WNT11: variants seen among roughly 807,000 people sequenced by gnomAD.
WNT11 encodes the protein Wnt family member 11, also known as protein Wnt-11.
In WNT11, 20 loss-of-function variants were observed where a neutral mutation model predicts 35.6. That is an observed-to-expected ratio of 0.56 (90% CI 0.40 to 0.82). WNT11 has a LOEUF of 0.82. WNT11 is among the 40% of genes least tolerant of loss of function. The pLI, the probability that WNT11 is intolerant of heterozygous loss-of-function variation, is 0.00. For missense variants in WNT11, 459 were observed against 504.4 expected (o/e 0.91, Z 0.86); for synonymous variants, 200 against 211.9 (o/e 0.94, Z 0.49).
chr11:76,196,698 G>A lies in WNT11; in HGVS notation c.104C>T (p.Ser35Leu). 5.0e-6 allele frequency: 8 copies of A among 1,610,806 alleles called. No individual in the cohort carries two copies. The highest frequency in any genetic ancestry group is 1.3e-5 in the African/African-American group (1 of 74,986). Residue 35 changes from serine to leucine, a missense_variant, in exon 2 of 5, where the codon TCG becomes TTG. Ser to Leu is a moderately radical substitution (Grantham distance 145). Transcript: ENST00000322563. ...IKWLALSKTP[S>L]ALALNQTQHC... ...TTGCGTCTGGTTCAGTGCCAGGGCC[G>A]ATGGTGTCTTGGACAGCGCCCTGCA...
Position 76,194,309 on chromosome 11 carries a change from G to GGTCCTGA in WNT11, c.597+257_597+258insTCAGGAC. ...GCCAGAGCCAAGGCCAGAACTCAGA[G>GGTCCTGA]CTCCTGACTCCTAGTTCAGTGCTCC... On this transcript the variant is annotated intron_variant, in intron 3 of 4. Coordinates refer to ENST00000322563, the MANE Select transcript of WNT11 (RefSeq NM_004626.3). The surrounding 1 kb of genome is among the most constrained non-coding windows in gnomAD (Gnocchi z 5.4). 1.3e-5 allele frequency among the ~76,000 whole-genome samples: 2 copies of GGTCCTGA among 152,114 alleles called. No individual in the cohort carries two copies. Among genetic ancestry groups the GGTCCTGA allele is most frequent in the Middle Eastern group, 3.4e-3 (1 of 294 alleles).
chr11:76,210,341 G>T, upstream of WNT11: 1 of 791,856 alleles, frequency 1.3e-6, no homozygotes, highest in Non-Finnish European at 1.5e-6. Context: ...CGCTTGGTTT[G>T]CTTACCCGGG....
At chr11:76,203,630 G>A (rs1953422687) in intron 1 of WNT11, among the ~76,000 whole-genome samples, 1 of 152,212 alleles carries the variant, frequency 6.6e-6, no homozygotes, top group Non-Finnish European at 1.5e-5. Context: ...TTTCTGGGCA[G>A]GTGCCTCTAT....
intron 1 of WNT11, among the ~76,000 whole-genome samples, chr11:76,200,561 G>A (rs949441383): frequency 6.6e-6 from 1 of 152,210 alleles, no homozygotes; most frequent in African/African-American, 2.4e-5. Flanking sequence ...ACACCTCAGA[G>A]GGCAGCCCGG....
chr11:76,207,450 C>T (rs1953491849), upstream of WNT11, among the ~76,000 whole-genome samples: 1 of 152,236 alleles, frequency 6.6e-6, no homozygotes, highest in African/African-American at 2.4e-5. Context: ...ATCGCTGCCT[C>T]ATCTCACAGA....
chr11:76,196,884 C>A (rs972950149), intron 1 of WNT11, among the ~76,000 whole-genome samples, 166 bp from the exon 2 acceptor site: 2 of 152,254 alleles, frequency 1.3e-5, no homozygotes, highest in African/African-American at 4.8e-5. Flanking sequence ...GCTGGCAGAG[C>A]AGTGGATCCC....
chr11:76,201,372 A>G (rs1849400043), intron 1 of WNT11, among the ~76,000 whole-genome samples: 1 of 152,228 alleles, frequency 6.6e-6, no homozygotes, highest in South Asian at 2.1e-4. Flanking sequence ...GAGGAGGGCC[A>G]TGCGGTCATC....
At chr11:76,206,648 C>T (rs540464235), upstream of WNT11, 1 of 867,702 alleles carries the variant, frequency 1.2e-6, no homozygotes, top group Non-Finnish European at 1.5e-6. Context: ...GGACGCGTCC[C>T]GCGCCTGGCT....
upstream of WNT11, among the ~76,000 whole-genome samples, chr11:76,208,544 A>C (rs924027740): frequency 6.6e-6 from 1 of 151,948 alleles, no homozygotes; most frequent in East Asian, 1.9e-4. Flanking sequence ...TCAAAACTCC[A>C]GTCACCGTCT....
Position 76,187,078 on chromosome 11 carries a change from T to G in WNT11, c.1052A>C (p.Tyr351Ser), listed in dbSNP as rs762934293. The G allele has an allele frequency of 9.9e-6, 16 of 1,610,854 alleles. 1 individual carries two copies. The Middle Eastern group carries it at 6.6e-4, about 66-fold the overall frequency. ...CRRCERTVER[Y>S]VCK ...GAGGGCAGGGCCTCACTTGCAGACATAGCGCTCCACGGTACGCTCACACCT... is the reference window on the plus strand; with the variant it reads ...GAGGGCAGGGCCTCACTTGCAGACAGAGCGCTCCACGGTACGCTCACACCT... The change falls in exon 5 of 5, where the codon TAT (tyrosine) becomes TCT (serine). Residue 351 changes from tyrosine (Y) to serine (S), a missense_variant. Transcript: ENST00000322563.
rs1953246109 is a variant in WNT11 at position 76,194,683 on chromosome 11, G to GGTT, written c.478_480dup (p.Asn160dup). The GGTT allele has an allele frequency of 4.5e-6, 7 of 1,550,688 alleles. No individual in the cohort carries two copies. The highest frequency in any genetic ancestry group is 6.1e-6 in the Non-Finnish European group (7 of 1,146,952). On this transcript the variant is annotated inframe_insertion, in exon 3 of 5. Coordinates refer to ENST00000322563, the MANE Select transcript of WNT11 (RefSeq NM_004626.3). This position sits in a 1 kb window ranked among gnomAD's most constrained non-coding sequence, Gnocchi z 5.4. ...GCCCCCATGAGGAGCCCGTAGCTGA[G>GGTT]GTTGTCCGCACATCCTCCCCAGCGG...
intron 4 of WNT11, among the ~76,000 whole-genome samples, chr11:76,187,648 G>T (rs914043157): frequency 6.6e-6 from 1 of 151,712 alleles, no homozygotes; most frequent in Admixed American, 6.6e-5. Flanking sequence ...ACCATGTCCG[G>T]CTAATTTTTT....
upstream of WNT11, chr11:76,210,377 G>T: frequency 1.0e-6 from 1 of 961,042 alleles, no homozygotes; most frequent in South Asian, 4.8e-5. Flanking sequence ...GGGTCGTGGC[G>T]GGTGCGAGAA....
Position 76,186,651 on chromosome 11 carries a change from C to T in WNT11, c.*414G>A. The stretch of plus-strand genomic sequence containing the variant: ...CAAGCTAGTGATTCCATGTGGTGGG[C>T]CCAGCAGGCTCAGACCCCAGGGTGG... On this transcript the variant is annotated 3_prime_UTR_variant, in exon 5 of 5. Coordinates refer to ENST00000322563, the MANE Select transcript of WNT11 (RefSeq NM_004626.3). 1 of 316,636 alleles carries T rather than the reference C, an allele frequency of 3.2e-6. No individual in the cohort carries two copies. Among genetic ancestry groups the T allele is most frequent in the Admixed American group, 4.1e-5 (1 of 24,584 alleles). 19.6% of individuals were successfully genotyped at this position (316,636 alleles called of 1,614,324 possible).
At chr11:76,187,305 TCCC>T in intron 4 of WNT11, 66 bp from the exon 5 acceptor site, 1 of 1,451,392 alleles carries the variant, frequency 6.9e-7, no homozygotes, top group Non-Finnish European at 9.1e-7. Context: ...ACCCCATGAC[TCCC>T]AGCCAGGCAG....
upstream of WNT11, chr11:76,206,606 G>A: frequency 8.7e-7 from 1 of 1,147,176 alleles, no homozygotes. Context: ...GCCGAGCGCG[G>A]CGGGCGTCCC....
chr11:76,189,530 C>A (rs192185790), intron 4 of WNT11, among the ~76,000 whole-genome samples: 3 of 152,322 alleles, frequency 2.0e-5, no homozygotes, highest in Admixed American at 2.0e-4. Context: ...GAGGAGGCTG[C>A]AAGGCATCTT....
chr11:76,194,872 A>G lies in WNT11; in HGVS notation c.320-28T>C, dbSNP rs1485793786. 1 of 1,472,466 alleles carries G rather than the reference A, an allele frequency of 6.8e-7. No homozygotes were observed. Among genetic ancestry groups the G allele is most frequent in the African/African-American group, 1.4e-5 (1 of 71,220 alleles). 91.2% of individuals were successfully genotyped at this position (1,472,466 alleles called of 1,614,324 possible). On this transcript the variant is annotated intron_variant, in intron 2 of 4. Transcript: ENST00000322563. This position sits in a 1 kb window ranked among gnomAD's most constrained non-coding sequence, Gnocchi z 5.4. ...GAGGGTGGGAGGGGAAGGTCAGCCG[A>G]CGCTGATCCAGGGCTAGGACCCTGC...
intron 3 of WNT11, 137 bp from the exon 4 acceptor site, chr11:76,191,993 T>C (rs1199795126): frequency 2.6e-6 from 3 of 1,170,156 alleles, no homozygotes; most frequent in African/African-American, 3.1e-5. Context: ...ATAGAGCTTT[T>C]TGCTTTAAAG....
Sources: gnomAD v4.1 joint callset for allele counts (sites outside exome capture counted in the v4.1 genomes callset) on GRCh38, gnomAD v4.1.1 for gene constraint, Gnocchi (gnomAD v3.1) non-coding constraint, MANE v1.5 for transcripts, NCBI Gene and HGNC (gene_info 2026-07-23, HGNC 2026-07-21) for gene names.